MCPH1: variants seen among roughly 807,000 people sequenced by gnomAD.
MCPH1 encodes microcephalin 1.
A neutral mutation model predicts 84.5 loss-of-function variants in MCPH1; 104 were observed. That is an observed-to-expected ratio of 1.23 (90% CI 1.05 to 1.45). The LOEUF is 1.45. MCPH1 is among the 40% of genes most tolerant of loss of function. MCPH1 has a pLI of 0.00. For missense variants in MCPH1, 1,498 were observed against 1,005.7 expected, an observed-to-expected ratio of 1.49 and a Z score of -6.62; for synonymous variants, 514 against 366.8, an observed-to-expected ratio of 1.40 and a Z score of -4.58.
chr8:6,643,594 A>C lies in MCPH1; in HGVS notation c.*545A>C, dbSNP rs1798068932. ...CACAGAACCTTTGTCATTAGAGCAC[A>C]GTACTGCCAAATAAAGAATGGAAAT... On this transcript the variant is annotated 3_prime_UTR_variant, in exon 14 of 14. Coordinates refer to ENST00000344683, the MANE Select transcript of MCPH1 (RefSeq NM_024596.5). 6.2e-6 allele frequency: 1 copy of C among 160,102 alleles called. No individual in the cohort carries two copies. 9.9% of individuals were successfully genotyped at this position (160,102 alleles called of 1,614,324 possible). A position where few individuals can be genotyped will look rare whatever the true frequency, so the allele number is the denominator to read the frequency against.
intron 12 of MCPH1, among the ~76,000 whole-genome samples, chr8:6,505,515 TATATATTCTTTATATATGTATATATAGA>T (rs1813394765): frequency 1.5e-5 from 1 of 64,838 alleles, no homozygotes; most frequent in Admixed American, 1.7e-4. Context: ...ATATATAGAA[TATATATTCTTTATATATGTATATATAGA>T]ATATATATAC....
chr8:6,613,802 G>A (rs1190777290), intron 12 of MCPH1, among the ~76,000 whole-genome samples: 4 of 152,090 alleles, frequency 2.6e-5, no homozygotes, highest in East Asian at 1.9e-4. Flanking sequence ...GCTTGTGGAC[G>A]GCCAGGGAAC....
At chr8:6,469,051 G>A (rs985596147) in intron 9 of MCPH1, among the ~76,000 whole-genome samples, 1 of 152,046 alleles carries the variant, frequency 6.6e-6, no homozygotes, top group Non-Finnish European at 1.5e-5. Flanking sequence ...AAAAATATTA[G>A]TTGGACATGA....
intron 3 of MCPH1, among the ~76,000 whole-genome samples, chr8:6,415,808 C>T (rs1245572356): frequency 6.6e-6 from 1 of 152,076 alleles, no homozygotes; most frequent in Non-Finnish European, 1.5e-5. Flanking sequence ...CCTTGCATTT[C>T]TATATGAATT....
At chr8:6,616,532 G>T (rs953849469) in intron 12 of MCPH1, 2 of 152,214 alleles carry the variant, frequency 1.3e-5, no homozygotes, top group African/African-American at 4.8e-5. Flanking sequence ...CAGCCAATGT[G>T]GTTTAAGGCA....
intron 1 of MCPH1, among the ~76,000 whole-genome samples, chr8:6,407,800 G>A (rs143662240): frequency 6.6e-6 from 1 of 152,226 alleles, no homozygotes; most frequent in African/African-American, 2.4e-5. Context: ...CACTCACTAT[G>A]CCCCCCAGGC....
At chr8:6,626,060 T>C in intron 13 of MCPH1, 1 of 985,434 alleles carries the variant, frequency 1.0e-6, no homozygotes, top group Non-Finnish European at 1.2e-6. Context: ...CAGCCTTTGT[T>C]CCTGCACAGT....
intron 3 of MCPH1, among the ~76,000 whole-genome samples, chr8:6,424,120 C>T (rs1444194472): frequency 3.9e-5 from 6 of 152,098 alleles, no homozygotes; most frequent in South Asian, 2.1e-4. Context: ...TGGGTTCCTT[C>T]TGGGAGTGTT....
intron 12 of MCPH1, among the ~76,000 whole-genome samples, chr8:6,596,084 GA>G (rs768246762): frequency 6.6e-6 from 1 of 152,178 alleles, no homozygotes; most frequent in Non-Finnish European, 1.5e-5. Context: ...GGAGCATTTA[GA>G]GCACACCCGT....
At chr8:6,503,085 A>C in intron 12 of MCPH1, 1 of 1,614,034 alleles carries the variant, frequency 6.2e-7, no homozygotes, top group South Asian at 1.1e-5. Flanking sequence ...ACAGTTCCTC[A>C]GGTGGACTGG....
chr8:6,492,083 A>G (rs890537201), intron 11 of MCPH1, among the ~76,000 whole-genome samples: 10 of 152,238 alleles, frequency 6.6e-5, no homozygotes, highest in Admixed American at 6.5e-4. Context: ...ACTAGTTTAC[A>G]GTCCCACTAG....
intron 11 of MCPH1, among the ~76,000 whole-genome samples, chr8:6,484,610 G>A (rs1227273656): frequency 1.3e-5 from 2 of 152,228 alleles, no homozygotes; most frequent in Admixed American, 1.3e-4. Context: ...GCTGGACCTG[G>A]AAACAGCACA....
At chr8:6,514,504 A>G (rs2979670) in intron 12 of MCPH1, among the ~76,000 whole-genome samples, 5,169 of 152,212 alleles carry the variant, frequency 0.034, 293 homozygotes, top group African/African-American at 0.11. Flanking sequence ...TTTTGTTTTG[A>G]TACAGTTTAC....
rs145603293 is a variant in MCPH1 at position 6,528,415 on chromosome 8, G to A, written c.2214+28486G>A. ...TTGTCACTAGACAGAGAGATTGGAA[G>A]TCACATGCTTCCATTATATAAAAAT... On this transcript the variant is annotated intron_variant, in intron 12 of 13. Coordinates refer to ENST00000344683, the MANE Select transcript of MCPH1 (RefSeq NM_024596.5). Among the ~76,000 whole-genome samples, 5 of 152,364 alleles carry A rather than the reference G, an allele frequency of 3.3e-5. No individual in the cohort carries two copies. In the East Asian group the frequency reaches 9.6e-4, roughly 29 times the overall value.
At chr8:6,420,456 G>A (rs1192461992) in intron 3 of MCPH1, among the ~76,000 whole-genome samples, 1 of 152,144 alleles carries the variant, frequency 6.6e-6, no homozygotes, top group African/African-American at 2.4e-5. Flanking sequence ...AATTTGCGCT[G>A]TTATCTCCGT....
At chr8:6,533,152 G>A (rs1004951688) in intron 12 of MCPH1, among the ~76,000 whole-genome samples, 4 of 152,022 alleles carry the variant, frequency 2.6e-5, no homozygotes, top group Non-Finnish European at 4.4e-5. Context: ...ACTTTTAATC[G>A]CACCTTGGTC....
At chr8:6,533,752 C>G (rs1161852365) in intron 12 of MCPH1, among the ~76,000 whole-genome samples, 1 of 151,800 alleles carries the variant, frequency 6.6e-6, no homozygotes, top group Admixed American at 6.6e-5. Context: ...CTGGTGCCCT[C>G]CTTTAAAAAC....
At chr8:6,445,836 G>C (rs1363138892) in intron 8 of MCPH1, 2 of 1,129,778 alleles carry the variant, frequency 1.8e-6, no homozygotes, top group Non-Finnish European at 1.1e-6. Context: ...GAATAACTGA[G>C]GGGAGTGAAG....
At chr8:6,429,316 C>T (rs1273983706) in intron 3 of MCPH1, among the ~76,000 whole-genome samples, 1 of 152,142 alleles carries the variant, frequency 6.6e-6, no homozygotes, top group Non-Finnish European at 1.5e-5. Flanking sequence ...CCATTGGACA[C>T]AGGGTGGCAG....
Sources: gnomAD v4.1 joint callset for allele counts (sites outside exome capture counted in the v4.1 genomes callset) on GRCh38, gnomAD v4.1.1 for gene constraint, MANE v1.5 for transcripts, NCBI Gene and HGNC (gene_info 2026-07-23, HGNC 2026-07-21) for gene names.